The following TMTC2 variants were observed in gnomAD, a reference collection of about 807,000 sequenced individuals.
TMTC2 encodes protein O-mannosyl-transferase TMTC2.
In TMTC2, 43 loss-of-function variants were observed where a neutral mutation model predicts 82.4. The ratio of observed to expected loss-of-function variants is 0.52; its 90% confidence interval spans 0.41 to 0.67. TMTC2 has a LOEUF of 0.67. Among genes scored for constraint, TMTC2 ranks in the 30% least tolerant of loss-of-function variants. TMTC2 has a pLI of 0.00. For missense variants in TMTC2, 919 were observed against 1,012.4 expected, an observed-to-expected ratio of 0.91 and a Z score of 1.25; for synonymous variants, 408 against 381.9, an observed-to-expected ratio of 1.07 and a Z score of -0.80.
chr12:82,723,686 A>G (rs1415852856), intron 1 of TMTC2, among the ~76,000 whole-genome samples: 1 of 152,200 alleles, frequency 6.6e-6, no homozygotes, highest in African/African-American at 2.4e-5. Flanking sequence ...GTTGGCACTC[A>G]AATATTTCAG....
intron 11 of TMTC2, among the ~76,000 whole-genome samples, chr12:83,122,681 C>T (rs1314116138): frequency 6.6e-6 from 1 of 152,186 alleles, no homozygotes; most frequent in Non-Finnish European, 1.5e-5. Flanking sequence ...GGGTGTCTCC[C>T]GTGTCCTGCG....
chr12:83,089,840 CA>C (rs1381824863), intron 11 of TMTC2, among the ~76,000 whole-genome samples: 1 of 141,126 alleles, frequency 7.1e-6, no homozygotes. Context: ...AAACAAAAAA[CA>C]AAAAACAAAA....
chr12:82,875,899 TAAAAAAA>T (rs781413116), intron 2 of TMTC2, among the ~76,000 whole-genome samples: 3 of 113,582 alleles, frequency 2.6e-5, no homozygotes, highest in Non-Finnish European at 3.8e-5. Context: ...AGCTCACGCT[TAAAAAAA>T]AAAAAAAAAA....
At chr12:82,995,397 C>T (rs539189028) in intron 8 of TMTC2, among the ~76,000 whole-genome samples, 6 of 152,008 alleles carry the variant, frequency 3.9e-5, no homozygotes, top group African/African-American at 7.2e-5. Flanking sequence ...TGAAGGTCTT[C>T]GTTTTTGCAG....
At chr12:82,912,652 T>C (rs910043253) in intron 3 of TMTC2, among the ~76,000 whole-genome samples, 1 of 152,088 alleles carries the variant, frequency 6.6e-6, no homozygotes, top group African/African-American at 2.4e-5. Flanking sequence ...TAAGAATGAA[T>C]GGTGGTTGGG....
intron 11 of TMTC2, among the ~76,000 whole-genome samples, chr12:83,117,613 G>T (rs1056135400): frequency 6.6e-6 from 1 of 152,026 alleles, no homozygotes; most frequent in Admixed American, 6.5e-5. Context: ...TGTTCTTTTT[G>T]CTTTGTCTTG....
At chr12:83,063,488 C>CTAAG (rs779674239) in intron 11 of TMTC2, among the ~76,000 whole-genome samples, 1 of 151,852 alleles carries the variant, frequency 6.6e-6, no homozygotes, top group Non-Finnish European at 1.5e-5. Flanking sequence ...TTATTATGTG[C>CTAAG]TAAGCACTGT....
At chr12:83,123,759 A>G (rs1885024610) in intron 11 of TMTC2, among the ~76,000 whole-genome samples, 1 of 152,174 alleles carries the variant, frequency 6.6e-6, no homozygotes, top group Non-Finnish European at 1.5e-5. Context: ...AATGTTTTTT[A>G]AAGTACCAAA....
chr12:82,780,121 C>T (rs763985056), intron 1 of TMTC2, among the ~76,000 whole-genome samples: 15 of 152,116 alleles, frequency 9.9e-5, no homozygotes, highest in African/African-American at 3.1e-4. Context: ...CCTTTTAGCA[C>T]GTCCACGCCA....
At chr12:82,729,716 A>G (rs1366783948) in intron 1 of TMTC2, among the ~76,000 whole-genome samples, 1 of 152,206 alleles carries the variant, frequency 6.6e-6, no homozygotes, top group Non-Finnish European at 1.5e-5. Flanking sequence ...CAGATAGAAT[A>G]AAAGCAGGCT....
At chr12:82,986,955 A>T (rs1879177590) in intron 8 of TMTC2, among the ~76,000 whole-genome samples, 1 of 152,164 alleles carries the variant, frequency 6.6e-6, no homozygotes, top group African/African-American at 2.4e-5. Flanking sequence ...TAGTTATAGT[A>T]CCTAATCTCT....
intron 11 of TMTC2, among the ~76,000 whole-genome samples, chr12:83,107,874 C>G (rs984411838): frequency 6.6e-6 from 1 of 152,090 alleles, no homozygotes; most frequent in Non-Finnish European, 1.5e-5. Context: ...CCAAATCTCA[C>G]GTTGAATTGG....
At chr12:83,047,274 T>G (rs1882178886) in intron 9 of TMTC2, among the ~76,000 whole-genome samples, 1 of 152,164 alleles carries the variant, frequency 6.6e-6, no homozygotes, top group African/African-American at 2.4e-5. Context: ...AAATTTTGTT[T>G]CTTATTGTTG....
At chr12:82,897,974 T>C (rs916924835) in intron 3 of TMTC2, among the ~76,000 whole-genome samples, 1 of 152,054 alleles carries the variant, frequency 6.6e-6, no homozygotes, top group Non-Finnish European at 1.5e-5. Context: ...TATATATATA[T>C]ATATAAAGAC....
chr12:83,105,189 GT>G (rs1173519227), intron 11 of TMTC2, among the ~76,000 whole-genome samples: 6 of 152,264 alleles, frequency 3.9e-5, no homozygotes, highest in Admixed American at 3.3e-4. Flanking sequence ...CATTTAACCA[GT>G]TTCTAAGTAA....
intron 1 of TMTC2, among the ~76,000 whole-genome samples, chr12:82,814,669 G>T (rs1001193493): frequency 6.6e-6 from 1 of 152,076 alleles, no homozygotes. Context: ...CAAAAGACAG[G>T]GTGTTCCTTA....
chr12:82,932,169 G>C (rs1388641745), intron 4 of TMTC2, among the ~76,000 whole-genome samples: 1 of 152,084 alleles, frequency 6.6e-6, no homozygotes, highest in Non-Finnish European at 1.5e-5. Flanking sequence ...AAAATAAACA[G>C]AAAAAATCTA....
intron 1 of TMTC2, among the ~76,000 whole-genome samples, chr12:82,822,299 T>C (rs1869161581): frequency 1.3e-5 from 2 of 152,094 alleles, no homozygotes; most frequent in Admixed American, 1.3e-4. Flanking sequence ...ACTATGGACT[T>C]TTGTGTAATA....
intron 9 of TMTC2, among the ~76,000 whole-genome samples, chr12:83,046,701 A>G (rs756916435): frequency 1.3e-5 from 2 of 152,098 alleles, no homozygotes; most frequent in Non-Finnish European, 2.9e-5. Context: ...AGGGAAGAGC[A>G]CCTGTCTTTC....
Sources: gnomAD v4.1 joint callset for allele counts (sites outside exome capture counted in the v4.1 genomes callset) on GRCh38, gnomAD v4.1.1 for gene constraint, MANE v1.5 for transcripts, NCBI Gene and HGNC (gene_info 2026-07-23, HGNC 2026-07-21) for gene names.